Variants in IFNW1 observed in about 807,000 individuals in gnomAD.
IFNW1 encodes interferon omega-1.
For synonymous variants in IFNW1, 105 were observed against 88.0 expected, an observed-to-expected ratio of 1.19 and a Z score of -1.08; for missense variants, 293 against 227.7, an observed-to-expected ratio of 1.29 and a Z score of -1.84.
chr9:21,141,812 T>G lies in IFNW1; in HGVS notation c.-242A>C. 1 of 303,626 alleles carries G rather than the reference T, an allele frequency of 3.3e-6. No individual in the cohort carries two copies. The highest frequency in any genetic ancestry group is 6.5e-5 in the East Asian group (1 of 15,290). The allele number at this position is 303,626 out of a possible 1,614,324, so 18.8% of individuals were successfully genotyped here. On this transcript the variant is annotated 5_prime_UTR_variant, in exon 1 of 1. Transcript: ENST00000380229. ...GCATTAGACTTCAGCTAAACTCCAG[T>G]AAACTTCAGCTGTGTCAATACAAAT...
rs771365923 is a variant in IFNW1, at chr9:21,141,415, A to G, written c.156T>C (p.Cys52=). Residue 52 remains cysteine (C), a synonymous_variant, in exon 1 of 1, where the codon TGT becomes TGC. Coordinates refer to ENST00000380229, the MANE Select transcript of IFNW1 (RefSeq NM_002177.3). ...ACCTGAAGTCTCTTCTGTCCTTGAG[A>G]CACAAGAAAGGGGAGATTCTCCTCA... is the stretch of plus-strand genomic sequence containing the variant. The part of the protein sequence containing the change: ...HQMRRISPFL[C]LKDRRDFRFP... 2.5e-6 allele frequency: 4 copies of G among 1,614,002 alleles called. No homozygotes were observed. In the Admixed American group the frequency reaches 5.0e-5, roughly 20 times the overall value.
Position 21,141,321 on chromosome 9 carries a change from G to A in IFNW1, c.250C>T (p.Leu84=). 6.2e-7 allele frequency: 1 copy of A among 1,614,052 alleles called. No homozygotes were observed. The highest frequency in any genetic ancestry group is 2.2e-5 in the East Asian group (1 of 44,882). ...TGGAAGAGGCTGAAGATCTGCTGCA[G>A]CATCTCATGGAGGACAGACATGACA... is the stretch of plus-strand genomic sequence containing the variant. ...AHVMSVLHEM[L]QQIFSLFHTE... The change falls in exon 1 of 1, where the codon CTG becomes TTG. Residue 84 remains leucine, a synonymous_variant. Coordinates refer to ENST00000380229, the MANE Select transcript of IFNW1 (RefSeq NM_002177.3).
chr9:21,140,957 T>C lies in IFNW1; in HGVS notation c.*26A>G. Reference sequence around the variant, plus strand: ...CAGAGTCACATGTGCAAGTGTTATATGGCAAATTAATCAATGAGAATCATT... The same window carrying C: ...CAGAGTCACATGTGCAAGTGTTATACGGCAAATTAATCAATGAGAATCATT... On this transcript the variant is annotated 3_prime_UTR_variant, in exon 1 of 1. Coordinates refer to ENST00000380229, the MANE Select transcript of IFNW1 (RefSeq NM_002177.3). 6.6e-7 allele frequency: 1 copy of C among 1,518,962 alleles called. No individual in the cohort carries two copies. The highest frequency in any genetic ancestry group is 9.0e-7 in the Non-Finnish European group (1 of 1,106,668). 94.1% of individuals were successfully genotyped at this position (1,518,962 alleles called of 1,614,324 possible).
rs1819403716 is a variant in IFNW1, at chr9:21,141,653, T to C, written c.-83A>G. On this transcript the variant is annotated 5_prime_UTR_variant, in exon 1 of 1. In the 5' UTR this introduces an upstream ATG that the reference lacks. Coordinates refer to ENST00000380229, the MANE Select transcript of IFNW1 (RefSeq NM_002177.3). ...CTAGGTTTTCTGAAGACATTGCTTGTATGCATGGCTTTTAATAGGAAACAC... is the reference window on the plus strand; with the variant it reads ...CTAGGTTTTCTGAAGACATTGCTTGCATGCATGGCTTTTAATAGGAAACAC... The C allele has an allele frequency of 1.2e-6, 1 of 819,728 alleles. No homozygotes were observed. Among genetic ancestry groups the C allele is most frequent in the Non-Finnish European group, 1.9e-6 (1 of 517,248 alleles). The allele number at this position is 819,728 out of a possible 1,614,324, so 50.8% of individuals were successfully genotyped here. A position where few individuals can be genotyped will look rare whatever the true frequency, so the allele number is the denominator to read the frequency against.
In IFNW1 at chr9:21,141,663, T is replaced by G. The variant is rs1819403842; in HGVS notation, c.-93A>C. 9.6e-6 allele frequency: 7 copies of G among 728,706 alleles called. No individual in the cohort carries two copies. The East Asian group carries it at 1.9e-4, about 19-fold the overall frequency. The allele number at this position is 728,706 out of a possible 1,614,324, so 45.1% of individuals were successfully genotyped here. ...TGAAGACATTGCTTGTATGCATGGC[T>G]TTTAATAGGAAACACATGGTTTTCA... On this transcript the variant is annotated 5_prime_UTR_variant, in exon 1 of 1. Transcript: ENST00000380229.
chr9:21,141,281 G>A lies in IFNW1; in HGVS notation c.290C>T (p.Ser97Phe). 1 of 1,614,200 alleles carries A rather than the reference G, an allele frequency of 6.2e-7. No individual in the cohort carries two copies. The highest frequency in any genetic ancestry group is 8.5e-7 in the Non-Finnish European group (1 of 1,180,022). ...TAGGAGGGTCATGTTCCAGGCAGCA[G>A]AGGAGCGCTCTGTGTGGAAGAGGCT... ...IFSLFHTERS[S>F]AAWNMTLLDQ... Residue 97 changes from serine (S) to phenylalanine (F), a missense_variant, in exon 1 of 1, where the codon TCT (serine) becomes TTT (phenylalanine). Coordinates refer to ENST00000380229, the MANE Select transcript of IFNW1 (RefSeq NM_002177.3).
In IFNW1 at chr9:21,141,103, C is replaced by G. The variant is rs764726161; in HGVS notation, c.468G>C (p.Glu156Asp). ...CCCAGGCACAGTCGCTGTATTTCTTCTCTTTCAGGTAGACACGGATTCCCT... is the reference window on the plus strand; with the variant it reads ...CCCAGGCACAGTCGCTGTATTTCTTGTCTTTCAGGTAGACACGGATTCCCT... ...YFQGIRVYLK[E>D]KKYSDCAWEV... The change falls in exon 1 of 1, where the codon GAG becomes GAC. Residue 156 changes from glutamate to aspartate, a missense_variant. Transcript: ENST00000380229. The G allele has an allele frequency of 6.2e-7, 1 of 1,613,086 alleles. No homozygotes were observed. Among genetic ancestry groups the G allele is most frequent in the Non-Finnish European group, 8.5e-7 (1 of 1,179,556 alleles).
Position 21,141,680 on chromosome 9 carries a change from T to C in IFNW1, c.-110A>G. Reference sequence around the variant, plus strand: ...TGCATGGCTTTTAATAGGAAACACATGGTTTTCATTTTCTGAACATTTCTC... The same window carrying C: ...TGCATGGCTTTTAATAGGAAACACACGGTTTTCATTTTCTGAACATTTCTC... On this transcript the variant is annotated 5_prime_UTR_variant, in exon 1 of 1. An upstream start codon of the reference 5' UTR is lost. Transcript: ENST00000380229. 1 of 637,830 alleles carries C rather than the reference T, an allele frequency of 1.6e-6. No individual in the cohort carries two copies. The highest frequency in any genetic ancestry group is 2.7e-6 in the Non-Finnish European group (1 of 372,158). The allele number at this position is 637,830 out of a possible 1,614,324, so 39.5% of individuals were successfully genotyped here.
At position 21,141,649 on chromosome 9, in the gene IFNW1, C is replaced by G. The variant is rs749895524; in HGVS notation, c.-79G>C. On this transcript the variant is annotated 5_prime_UTR_variant, in exon 1 of 1. Transcript: ENST00000380229. ...GACCCTAGGTTTTCTGAAGACATTG[C>G]TTGTATGCATGGCTTTTAATAGGAA... 4.6e-6 allele frequency: 4 copies of G among 871,324 alleles called. No individual in the cohort carries two copies. Among genetic ancestry groups the G allele is most frequent in the Non-Finnish European group, 7.1e-6 (4 of 561,542 alleles). The allele number at this position is 871,324 out of a possible 1,614,324, so 54.0% of individuals were successfully genotyped here.
At position 21,141,168 on chromosome 9, in the gene IFNW1, C is replaced by A. The variant is rs760297333; in HGVS notation, c.403G>T (p.Ala135Ser). The change falls in exon 1 of 1, where the codon GCA (alanine) becomes TCA (serine). Residue 135 changes from alanine to serine, a missense_variant. By Grantham distance (99) the Ala-to-Ser change is moderately conservative. Coordinates refer to ENST00000380229, the MANE Select transcript of IFNW1 (RefSeq NM_002177.3). ...QVVGEGESAGAISSPALTLRR... is the reference protein window; with the variant it reads ...QVVGEGESAGSISSPALTLRR... The stretch of plus-strand genomic sequence containing the variant: ...AAGGTCAGTGCAGGGCTGCTAATTG[C>A]CCCAGCAGATTCTCCTTCTCCCACT... 9.4e-5 allele frequency: 151 copies of A among 1,614,112 alleles called. 1 individual carries two copies. In the South Asian group the frequency reaches 1.5e-3, roughly 17 times the overall value.
Position 21,140,790 on chromosome 9 carries a change from A to G in IFNW1, c.*193T>C, listed in dbSNP as rs1819386194. On this transcript the variant is annotated 3_prime_UTR_variant, in exon 1 of 1. Coordinates refer to ENST00000380229, the MANE Select transcript of IFNW1 (RefSeq NM_002177.3). Reference sequence around the variant, plus strand: ...AATGTAAGAATAAATAAATGAGTAAAAATAAATAACATCTTAGGGACTGAT... The same window carrying G: ...AATGTAAGAATAAATAAATGAGTAAGAATAAATAACATCTTAGGGACTGAT... The G allele has an allele frequency of 2.2e-6, 1 of 450,802 alleles. No individual in the cohort carries two copies. Among genetic ancestry groups the G allele is most frequent in the African/African-American group, 2.0e-5 (1 of 50,592 alleles). The allele number at this position is 450,802 out of a possible 1,614,324, so 27.9% of individuals were successfully genotyped here. A position where few individuals can be genotyped will look rare whatever the true frequency, so the allele number is the denominator to read the frequency against.
chr9:21,140,996 A>C lies in IFNW1; in HGVS notation c.575T>G (p.Leu192Arg), dbSNP rs769564769. Residue 192 changes from leucine (L) to arginine (R), a missense_variant, in exon 1 of 1, where the codon CTG (leucine) becomes CGG (arginine). Coordinates refer to ENST00000380229, the MANE Select transcript of IFNW1 (RefSeq NM_002177.3). Reference protein sequence around the residue: ...QERLRSKDRDLGSS With the variant: ...QERLRSKDRDRGSS Reference sequence around the variant, plus strand: ...ATGAGAATCATTTCAAGATGAGCCCAGGTCTCTATCTTTACTTCTCAGTCT... The same window carrying C: ...ATGAGAATCATTTCAAGATGAGCCCCGGTCTCTATCTTTACTTCTCAGTCT... The C allele has an allele frequency of 1.2e-6, 2 of 1,607,618 alleles. No homozygotes were observed. The highest frequency in any genetic ancestry group is 2.7e-5 in the African/African-American group (2 of 74,720).
At position 21,141,596 on chromosome 9, in the gene IFNW1, T is replaced by C. The variant is rs768780319; in HGVS notation, c.-26A>G. 4.7e-6 allele frequency: 7 copies of C among 1,496,264 alleles called. No homozygotes were observed. The South Asian group carries it at 6.5e-5, about 14-fold the overall frequency. The allele number at this position is 1,496,264 out of a possible 1,614,324, so 92.7% of individuals were successfully genotyped here. A position where few individuals can be genotyped will look rare whatever the true frequency, so the allele number is the denominator to read the frequency against. ...TGGGAAATGAGGATGCTCCTGGCTTTACTGAGCTGGGATATGGCTTAACCT... is the reference window on the plus strand; with the variant it reads ...TGGGAAATGAGGATGCTCCTGGCTTCACTGAGCTGGGATATGGCTTAACCT... On this transcript the variant is annotated 5_prime_UTR_variant, in exon 1 of 1. Transcript: ENST00000380229.
chr9:21,140,943 G>T lies in IFNW1; in HGVS notation c.*40C>A. On this transcript the variant is annotated 3_prime_UTR_variant, in exon 1 of 1. Coordinates refer to ENST00000380229, the MANE Select transcript of IFNW1 (RefSeq NM_002177.3). ...TCTTTTGAATTGACCAGAGTCACAT[G>T]TGCAAGTGTTATATGGCAAATTAAT... The T allele has an allele frequency of 7.2e-7, 1 of 1,380,380 alleles. No individual in the cohort carries two copies. Among genetic ancestry groups the T allele is most frequent in the Non-Finnish European group, 1.0e-6 (1 of 988,620 alleles). 85.5% of individuals were successfully genotyped at this position (1,380,380 alleles called of 1,614,324 possible). A position where few individuals can be genotyped will look rare whatever the true frequency, so the allele number is the denominator to read the frequency against.
chr9:21,140,764 A>G lies in IFNW1; in HGVS notation c.*219T>C. 1 of 381,918 alleles carries G rather than the reference A, an allele frequency of 2.6e-6. No homozygotes were observed. Among genetic ancestry groups the G allele is most frequent in the Non-Finnish European group, 4.6e-6 (1 of 215,202 alleles). The allele number at this position is 381,918 out of a possible 1,614,324, so 23.7% of individuals were successfully genotyped here. On this transcript the variant is annotated 3_prime_UTR_variant, in exon 1 of 1. Transcript: ENST00000380229. The stretch of plus-strand genomic sequence containing the variant: ...GAATATAAATAGTATAAATATGATA[A>G]AATGTAAGAATAAATAAATGAGTAA...
rs1014841480 is a variant in IFNW1 at position 21,141,652 on chromosome 9, G to A, written c.-82C>T. 6 of 837,004 alleles carry A rather than the reference G, an allele frequency of 7.2e-6. No individual in the cohort carries two copies. Among genetic ancestry groups the A allele is most frequent in the Non-Finnish European group, 1.1e-5 (6 of 531,462 alleles). 51.8% of individuals were successfully genotyped at this position (837,004 alleles called of 1,614,324 possible). On this transcript the variant is annotated 5_prime_UTR_variant, in exon 1 of 1. Transcript: ENST00000380229. The stretch of plus-strand genomic sequence containing the variant: ...CCTAGGTTTTCTGAAGACATTGCTT[G>A]TATGCATGGCTTTTAATAGGAAACA...
rs147009804 is a variant in IFNW1 at position 21,141,081 on chromosome 9, A to G, written c.490T>C (p.Trp164Arg). The G allele has an allele frequency of 5.4e-4, 866 of 1,614,168 alleles. 3 individuals are homozygous for G. The Middle Eastern group carries it at 5.4e-3, about 10-fold the overall frequency. Reference sequence around the variant, plus strand: ...ATGATTTCCATTCTGACAACTTCCCAGGCACAGTCGCTGTATTTCTTCTCT... The same window carrying G: ...ATGATTTCCATTCTGACAACTTCCCGGGCACAGTCGCTGTATTTCTTCTCT... ...LKEKKYSDCA[W>R]EVVRMEIMKS... Residue 164 changes from tryptophan to arginine, a missense_variant, in exon 1 of 1, where the codon TGG (tryptophan) becomes CGG (arginine). Coordinates refer to ENST00000380229, the MANE Select transcript of IFNW1 (RefSeq NM_002177.3).
At position 21,141,551 on chromosome 9, in the gene IFNW1, A is replaced by G; in HGVS notation, c.20T>C (p.Leu7Pro). MALLFP[L>P]LAALVMTSYS... ...GCTGGTCATCACTAGGGCTGCCAGT[A>G]GAGGGAACAGGAGGGCCATTGGGAA... The change falls in exon 1 of 1, where the codon CTA (leucine) becomes CCA (proline). Residue 7 changes from leucine (L) to proline (P), a missense_variant. Transcript: ENST00000380229. 6.3e-7 allele frequency: 1 copy of G among 1,594,034 alleles called. No individual in the cohort carries two copies. The highest frequency in any genetic ancestry group is 8.5e-7 in the Non-Finnish European group (1 of 1,170,638).
chr9:21,140,996 A>G lies in IFNW1; in HGVS notation c.575T>C (p.Leu192Pro), dbSNP rs769564769. The G allele has an allele frequency of 4.4e-6, 7 of 1,607,736 alleles. No homozygotes were observed. The South Asian group carries it at 5.5e-5, about 13-fold the overall frequency. ...QERLRSKDRD[L>P]GSS ...ATGAGAATCATTTCAAGATGAGCCC[A>G]GGTCTCTATCTTTACTTCTCAGTCT... The change falls in exon 1 of 1, where the codon CTG becomes CCG. Residue 192 changes from leucine to proline, a missense_variant. Transcript: ENST00000380229.
Sources: gnomAD v4.1 joint callset for allele counts on GRCh38, gnomAD v4.1.1 for gene constraint, MANE v1.5 for transcripts, NCBI Gene and HGNC (gene_info 2026-07-23, HGNC 2026-07-21) for gene names.